Variants in RPS6KC1 observed in about 807,000 individuals in gnomAD.
RPS6KC1 encodes ribosomal protein S6 kinase C1.
RPS6KC1 carries 54 observed loss-of-function variants against 103.8 expected under a neutral mutation model. The ratio of observed to expected loss-of-function variants is 0.52; its 90% CI spans 0.42 to 0.65. RPS6KC1 has a LOEUF of 0.65. Among genes scored for constraint, RPS6KC1 ranks in the 30% least tolerant of loss-of-function variants. The probability of loss-of-function intolerance (pLI) is 0.00; values close to 1 mark genes in which losing one functional copy is unlikely to be tolerated. For synonymous variants in RPS6KC1, 439 were observed against 438.7 expected (o/e 1.00, Z -0.01); for missense variants, 1,151 against 1,253.8 (o/e 0.92, Z 1.24).
the RPS6KC1 span, among the ~76,000 whole-genome samples, chr1:213,751,705 A>G: frequency 6.6e-6 from 1 of 152,148 alleles, no homozygotes; most frequent in Non-Finnish European, 1.5e-5. Context: ...AAGTTTCATC[A>G]CTGGTCACTG....
At chr1:213,660,779 A>T in the RPS6KC1 span, among the ~76,000 whole-genome samples, 1 of 152,252 alleles carries the variant, frequency 6.6e-6, no homozygotes, top group South Asian at 2.1e-4. Flanking sequence ...AGTTTTGCAG[A>T]AAAAGCACCA....
At chr1:213,815,095 C>G in the RPS6KC1 span, among the ~76,000 whole-genome samples, 4 of 152,118 alleles carry the variant, frequency 2.6e-5, no homozygotes, top group African/African-American at 9.7e-5. Flanking sequence ...CCATGCTGTT[C>G]TCGTGATAGT....
chr1:213,467,025 T>C, the RPS6KC1 span, among the ~76,000 whole-genome samples: 1 of 152,160 alleles, frequency 6.6e-6, no homozygotes, highest in Non-Finnish European at 1.5e-5. Context: ...TTTTTTTTTT[T>C]TAACTAGTTT....
the RPS6KC1 span, among the ~76,000 whole-genome samples, chr1:213,668,549 G>T: frequency 2.0e-5 from 3 of 151,794 alleles, no homozygotes; most frequent in East Asian, 5.8e-4. Flanking sequence ...AATTCTCAAG[G>T]GCCCTAGGAT....
chr1:213,276,041 C>T (rs2095111879), downstream of RPS6KC1, among the ~76,000 whole-genome samples: 1 of 152,170 alleles, frequency 6.6e-6, no homozygotes, highest in Admixed American at 6.5e-5. Flanking sequence ...TCAGTGTGAA[C>T]CAAGATTGAT....
At chr1:213,397,588 T>TACACAC in the RPS6KC1 span, among the ~76,000 whole-genome samples, 1,565 of 140,444 alleles carry the variant, frequency 0.011, 14 homozygotes, top group South Asian at 0.034. Flanking sequence ...CAGGAACACA[T>TACACAC]ACACACACAC....
the RPS6KC1 span, among the ~76,000 whole-genome samples, chr1:213,766,164 GGGAT>G: frequency 2.0e-5 from 3 of 152,144 alleles, no homozygotes; most frequent in Admixed American, 2.0e-4. Context: ...TGTCTTTCTG[GGGAT>G]GAAATGGCAT....
the RPS6KC1 span, among the ~76,000 whole-genome samples, chr1:213,748,576 A>G: frequency 6.6e-6 from 1 of 152,204 alleles, no homozygotes; most frequent in South Asian, 2.1e-4. Flanking sequence ...GGGATATGCC[A>G]ATTATTTATA....
At chr1:213,348,575 T>C in the RPS6KC1 span, among the ~76,000 whole-genome samples, 1 of 152,168 alleles carries the variant, frequency 6.6e-6, no homozygotes, top group East Asian at 1.9e-4. Context: ...TTAGCATTAT[T>C]AAGTGACTGA....
chr1:213,852,604 A>G, the RPS6KC1 span, among the ~76,000 whole-genome samples: 1 of 152,146 alleles, frequency 6.6e-6, no homozygotes, highest in South Asian at 2.1e-4. Context: ...TGTTATGGCC[A>G]TTTCCTCAAT....
At chr1:213,643,472 T>A in the RPS6KC1 span, among the ~76,000 whole-genome samples, 1 of 151,934 alleles carries the variant, frequency 6.6e-6, no homozygotes, top group African/African-American at 2.4e-5. Flanking sequence ...TGCTGTTGAT[T>A]TTTTTTCATG....
chr1:213,395,320 C>T, the RPS6KC1 span, among the ~76,000 whole-genome samples: 27 of 152,188 alleles, frequency 1.8e-4, no homozygotes, highest in Non-Finnish European at 2.8e-4. Context: ...GTCTGGCGCA[C>T]GGTAGGATCT....
At chr1:213,703,448 T>C in the RPS6KC1 span, among the ~76,000 whole-genome samples, 1 of 152,202 alleles carries the variant, frequency 6.6e-6, no homozygotes, top group Non-Finnish European at 1.5e-5. Context: ...ATGAGTTCTG[T>C]ACCTCCAAGT....
chr1:213,694,025 A>T, the RPS6KC1 span, among the ~76,000 whole-genome samples: 4 of 152,160 alleles, frequency 2.6e-5, no homozygotes, highest in African/African-American at 9.7e-5. Flanking sequence ...GGGCGATAGC[A>T]CCCATAATCT....
the RPS6KC1 span, among the ~76,000 whole-genome samples, chr1:213,354,919 C>A: frequency 6.6e-6 from 1 of 152,140 alleles, no homozygotes; most frequent in African/African-American, 2.4e-5. Flanking sequence ...CAGCCCTTGG[C>A]AAGAGAGGGA....
chr1:213,175,192 C>T (rs1200258807), intron 7 of RPS6KC1, among the ~76,000 whole-genome samples: 1 of 152,162 alleles, frequency 6.6e-6, no homozygotes, highest in Admixed American at 6.5e-5. Context: ...CATTTCTGCT[C>T]TCCCTCACAT....
At chr1:213,546,919 A>G in the RPS6KC1 span, among the ~76,000 whole-genome samples, 1 of 152,186 alleles carries the variant, frequency 6.6e-6, no homozygotes, top group Non-Finnish European at 1.5e-5. Context: ...TGGCATGCAC[A>G]TGTGGGTCTA....
chr1:213,601,852 CT>C, the RPS6KC1 span, among the ~76,000 whole-genome samples: 1 of 151,906 alleles, frequency 6.6e-6, no homozygotes, highest in Non-Finnish European at 1.5e-5. Context: ...CTTTATTATT[CT>C]TTTTTTCCTT....
At chr1:213,684,228 C>G in the RPS6KC1 span, among the ~76,000 whole-genome samples, 11 of 152,292 alleles carry the variant, frequency 7.2e-5, no homozygotes, top group African/African-American at 2.6e-4. Flanking sequence ...TCTATGATCT[C>G]ATCCATTTGG....
Sources: gnomAD v4.1 joint callset for allele counts (sites outside exome capture counted in the v4.1 genomes callset) on GRCh38, gnomAD v4.1.1 for gene constraint, MANE v1.5 for transcripts, NCBI Gene and HGNC (gene_info 2026-07-23, HGNC 2026-07-21) for gene names.